Variants in SVIL observed in about 807,000 individuals in gnomAD.
The protein encoded by SVIL is archvillin.
In SVIL, 101 loss-of-function variants were observed where a neutral mutation model predicts 240.4. That is an observed-to-expected ratio of 0.42 (90% CI 0.36 to 0.50). The LOEUF (loss-of-function observed/expected upper bound fraction) is 0.50, where lower values mean the gene tolerates loss of function less well. Among genes scored for constraint, SVIL ranks in the 20% least tolerant of loss-of-function variants. The probability of loss-of-function intolerance (pLI) is 0.01; values close to 1 mark genes in which losing one functional copy is unlikely to be tolerated. For missense variants in SVIL, 2,512 were observed against 2,818.7 expected (o/e 0.89, Z 2.46); for synonymous variants, 999 against 1,100.0 (o/e 0.91, Z 1.82).
At chr10:29,680,230 C>T (rs1960530998) in intron 2 of SVIL, among the ~76,000 whole-genome samples, 1 of 152,126 alleles carries the variant, frequency 6.6e-6, no homozygotes, top group South Asian at 2.1e-4. Flanking sequence ...GCACCAGAAA[C>T]ATACAGACTG....
chr10:29,723,047 A>C (rs1182636818), intron 1 of SVIL, among the ~76,000 whole-genome samples: 1 of 152,226 alleles, frequency 6.6e-6, no homozygotes, highest in African/African-American at 2.4e-5. Flanking sequence ...AAATCCCGGC[A>C]GACTGCCCTG....
At chr10:29,727,246 A>G (rs947400269) in intron 1 of SVIL, among the ~76,000 whole-genome samples, 3 of 152,194 alleles carry the variant, frequency 2.0e-5, no homozygotes, top group Non-Finnish European at 2.9e-5. Flanking sequence ...AGTAACACCA[A>G]TTAAAGAAGA....
At chr10:29,640,654 C>G (rs554199477) in intron 3 of SVIL, among the ~76,000 whole-genome samples, 1 of 152,324 alleles carries the variant, frequency 6.6e-6, no homozygotes, top group East Asian at 1.9e-4. Context: ...ACCTCCCCAT[C>G]GGCAACTTGG....
chr10:29,486,909 C>A (rs1276521378), intron 24 of SVIL, among the ~76,000 whole-genome samples: 1 of 152,148 alleles, frequency 6.6e-6, no homozygotes, highest in East Asian at 1.9e-4. Context: ...GGGCCGCTTC[C>A]TTTTTTACAC....
chr10:29,578,006 T>C (rs1024653234), intron 1 of SVIL, among the ~76,000 whole-genome samples: 1 of 152,182 alleles, frequency 6.6e-6, no homozygotes, highest in Non-Finnish European at 1.5e-5. Flanking sequence ...TAAATGTGTA[T>C]TTGTGTATAC....
intron 11 of SVIL, 38 bp downstream of exon 11, chr10:29,530,569 A>G: frequency 4.3e-6 from 7 of 1,612,616 alleles, no homozygotes; most frequent in South Asian, 2.2e-5. Context: ...TACTGCACCC[A>G]GTAGGGATCT....
At chr10:29,465,543 C>G in intron 34 of SVIL, 52 bp downstream of exon 34, 1 of 1,541,996 alleles carries the variant, frequency 6.5e-7, no homozygotes, top group Non-Finnish European at 8.7e-7. Flanking sequence ...AAAAGGCTTT[C>G]TGGAAGATGT....
In SVIL at chr10:29,726,693, G is replaced by A. The variant is rs921333647; in HGVS notation, c.-400+9058C>T. ...ACTCGGGAGGTGGAGGTTGCGGTGA[G>A]CCAAGATCACGCTGCTGCACTCTGG... On this transcript the variant is annotated intron_variant, in intron 1 of 35. Coordinates refer to the SVIL transcript ENST00000375400. Among the ~76,000 whole-genome samples, 4 of 152,200 alleles carry A rather than the reference G, an allele frequency of 2.6e-5. No individual in the cohort carries two copies. The East Asian group carries it at 7.7e-4, about 29-fold the overall frequency.
chr10:29,638,356 C>T (rs1958378480), upstream of SVIL, among the ~76,000 whole-genome samples: 1 of 151,878 alleles, frequency 6.6e-6, no homozygotes, highest in South Asian at 2.1e-4. Flanking sequence ...ATCCCAGCTT[C>T]TCGGGAGGCT....
At chr10:29,620,043 T>C (rs1345381625) in intron 1 of SVIL, among the ~76,000 whole-genome samples, 1 of 152,198 alleles carries the variant, frequency 6.6e-6, no homozygotes, top group Non-Finnish European at 1.5e-5. Flanking sequence ...AATTCATGTT[T>C]CAAATTATAA....
chr10:29,646,217 C>A (rs941905547), intron 3 of SVIL, among the ~76,000 whole-genome samples: 4 of 152,172 alleles, frequency 2.6e-5, no homozygotes, highest in Non-Finnish European at 4.4e-5. Context: ...AGACACCCCC[C>A]TGCCCTGCAA....
intron 1 of SVIL, among the ~76,000 whole-genome samples, chr10:29,731,916 T>C (rs1964643227): frequency 6.6e-6 from 1 of 152,256 alleles, no homozygotes; most frequent in African/African-American, 2.4e-5. Flanking sequence ...GCAAGATGCT[T>C]TTGAACAAGC....
chr10:29,567,004 T>C (rs1955028481), intron 2 of SVIL, among the ~76,000 whole-genome samples: 1 of 152,194 alleles, frequency 6.6e-6, no homozygotes, highest in Non-Finnish European at 1.5e-5. Context: ...GTCCACTTCA[T>C]TTTCTGCATT....
In SVIL at chr10:29,634,624, G is replaced by A. The variant is rs1958239802; in HGVS notation, c.-405C>T. The A allele has an allele frequency of 6.6e-6, 1 of 152,096 alleles. No homozygotes were observed. The highest frequency in any genetic ancestry group is 1.5e-5 in the Non-Finnish European group (1 of 68,020). The allele number at this position is 152,096 out of a possible 1,614,324, so 9.4% of individuals were successfully genotyped here. A position where few individuals can be genotyped will look rare whatever the true frequency, so the allele number is the denominator to read the frequency against. ...CTAAGCACAAAGTAAAATCCCAAAA[G>A]TTAGCCCAAATAGCGTTGTACAAAA... On this transcript the variant is annotated 5_prime_UTR_variant, in exon 1 of 38. Transcript: ENST00000355867.
intron 36 of SVIL, among the ~76,000 whole-genome samples, chr10:29,460,131 G>A (rs937290564): frequency 1.7e-4 from 26 of 152,060 alleles, no homozygotes; most frequent in African/African-American, 9.7e-5. Context: ...TCTTGCCTGC[G>A]TCTGAGTACT....
intron 1 of SVIL, among the ~76,000 whole-genome samples, chr10:29,723,172 C>G (rs1964090099): frequency 6.6e-6 from 1 of 152,210 alleles, no homozygotes; most frequent in African/African-American, 2.4e-5. Flanking sequence ...GAATTTGAGA[C>G]CAGCCTGAGC....
In SVIL at chr10:29,550,579, C is replaced by T. The variant is rs1375136181; in HGVS notation, c.827+18G>A. On this transcript the variant is annotated intron_variant, in intron 6 of 37. Transcript: ENST00000355867. ...ATTGTCCTGCGTTCAGGGTGCTTAG[C>T]GTGGACTGGATGCTTACCTGGGTCG... is the stretch of plus-strand genomic sequence containing the variant. 6 of 1,583,742 alleles carry T rather than the reference C, an allele frequency of 3.8e-6. No individual in the cohort carries two copies. Among genetic ancestry groups the T allele is most frequent in the South Asian group, 2.3e-5 (2 of 87,086 alleles).
intron 1 of SVIL, among the ~76,000 whole-genome samples, chr10:29,700,499 T>C (rs1049782867): frequency 4.2e-4 from 52 of 123,670 alleles, no homozygotes; most frequent in African/African-American, 1.6e-3. Flanking sequence ...GAGATGGAGA[T>C]ATGCTCTGTC....
upstream of SVIL, among the ~76,000 whole-genome samples, chr10:29,639,618 G>A (rs1057181427): frequency 4.0e-5 from 6 of 151,854 alleles, no homozygotes; most frequent in Non-Finnish European, 8.8e-5. Flanking sequence ...ACAGGCAGAT[G>A]CCACCACATC....
Sources: allele counts gnomAD v4.1 joint callset (sites outside exome capture counted in the v4.1 genomes callset), GRCh38; gene constraint gnomAD v4.1.1; transcripts MANE v1.5; gene names NCBI Gene and HGNC (gene_info 2026-07-23, HGNC 2026-07-21).